Variants in DDAH1 observed in about 807,000 individuals in gnomAD.
DDAH1 encodes N(G),N(G)-dimethylarginine dimethylaminohydrolase 1.
DDAH1 carries 19 observed loss-of-function variants against 28.8 expected under a neutral mutation model. That is an observed-to-expected ratio of 0.66 (90% confidence interval 0.46 to 0.97). The LOEUF is 0.97. DDAH1 is among the 50% of genes least tolerant of loss of function. The pLI is 0.00. For missense variants in DDAH1, 326 were observed against 375.9 expected (o/e 0.87, Z 1.10); for synonymous variants, 153 against 154.4 (o/e 0.99, Z 0.07).
chr1:85,378,661 G>A (rs902966129), intron 1 of DDAH1, among the ~76,000 whole-genome samples: 3 of 152,102 alleles, frequency 2.0e-5, no homozygotes, highest in South Asian at 2.1e-4. Context: ...TATCCACCTC[G>A]GCCTCCCAAT....
intron 1 of DDAH1, among the ~76,000 whole-genome samples, chr1:85,401,987 TTTAA>T (rs1156279311): frequency 1.3e-5 from 2 of 152,160 alleles, no homozygotes; most frequent in African/African-American, 2.4e-5. Flanking sequence ...TTTATTTTAC[TTTAA>T]TTAATTTTTT....
At chr1:85,502,970 A>AGT (rs768567946) in intron 1 of DDAH1, among the ~76,000 whole-genome samples, 7 of 152,126 alleles carry the variant, frequency 4.6e-5, no homozygotes, top group Non-Finnish European at 7.4e-5. Flanking sequence ...GCTACCAGTC[A>AGT]GTGGATTGAT....
At chr1:85,437,001 G>A (rs1653972275) in intron 1 of DDAH1, among the ~76,000 whole-genome samples, 1 of 152,052 alleles carries the variant, frequency 6.6e-6, no homozygotes, top group Non-Finnish European at 1.5e-5. Context: ...CTTGAATATG[G>A]GCCAGTTTTA....
intron 1 of DDAH1, among the ~76,000 whole-genome samples, chr1:85,451,647 G>A (rs1437607341): frequency 1.3e-5 from 2 of 152,180 alleles, no homozygotes; most frequent in Admixed American, 1.3e-4. Context: ...TCTGCCTCCT[G>A]AGTCAGCTTA....
At chr1:85,405,633 T>A (rs199817888) in intron 1 of DDAH1, among the ~76,000 whole-genome samples, 4 of 148,924 alleles carry the variant, frequency 2.7e-5, no homozygotes, top group Non-Finnish European at 3.0e-5. Context: ...AAAAGTGCCC[T>A]AAAAAAAAAA....
chr1:85,452,356 T>C (rs1373135902), intron 1 of DDAH1, among the ~76,000 whole-genome samples: 1 of 152,136 alleles, frequency 6.6e-6, no homozygotes, highest in Non-Finnish European at 1.5e-5. Context: ...ATAAAGCCTC[T>C]TGACAATGAC....
At chr1:85,435,782 T>G (rs184988735) in intron 1 of DDAH1, among the ~76,000 whole-genome samples, 103 of 152,112 alleles carry the variant, frequency 6.8e-4, no homozygotes, top group Admixed American at 1.8e-3. Flanking sequence ...ACTTATATCT[T>G]TTTTATTTTT....
chr1:85,570,145 C>A (rs1291640113), intron 1 of DDAH1, among the ~76,000 whole-genome samples: 1 of 152,200 alleles, frequency 6.6e-6, no homozygotes, highest in African/African-American at 2.4e-5. Context: ...GAGACTGAGA[C>A]CCCGTGAGAT....
chr1:85,355,178 G>T (rs1024679420), intron 2 of DDAH1, among the ~76,000 whole-genome samples: 67 of 152,000 alleles, frequency 4.4e-4, no homozygotes, highest in African/African-American at 1.6e-3. Context: ...AAAATGGAAC[G>T]CATCAAAACT....
At chr1:85,340,536 G>A (rs756068801) in intron 4 of DDAH1, among the ~76,000 whole-genome samples, 1 of 152,060 alleles carries the variant, frequency 6.6e-6, no homozygotes, top group Non-Finnish European at 1.5e-5. Flanking sequence ...CATCAGTCAC[G>A]ATGTTCTGTT....
chr1:85,453,277 T>C (rs1312146549), intron 1 of DDAH1, among the ~76,000 whole-genome samples: 2 of 152,214 alleles, frequency 1.3e-5, no homozygotes, highest in Non-Finnish European at 2.9e-5. Context: ...CCTGCTTTTC[T>C]GCAAACCACT....
intron 4 of DDAH1, among the ~76,000 whole-genome samples, chr1:85,333,589 ACAACT>A (rs995530589): frequency 8.5e-5 from 13 of 152,182 alleles, no homozygotes; most frequent in Non-Finnish European, 1.8e-4. Flanking sequence ...AATTAAAAAA[ACAACT>A]CAGGGTATGA....
chr1:85,559,433 T>C (rs1659077640), intron 1 of DDAH1, among the ~76,000 whole-genome samples: 1 of 152,080 alleles, frequency 6.6e-6, no homozygotes, highest in Non-Finnish European at 1.5e-5. Flanking sequence ...ATAATAGCCA[T>C]AATACTCAGC....
intron 1 of DDAH1, among the ~76,000 whole-genome samples, chr1:85,405,633 T>TAAA (rs11394406): frequency 6.7e-6 from 1 of 148,838 alleles, no homozygotes. Flanking sequence ...AAAAGTGCCC[T>TAAA]AAAAAAAAAA....
intron 1 of DDAH1, among the ~76,000 whole-genome samples, chr1:85,506,383 T>A (rs976401038): frequency 6.6e-5 from 10 of 152,156 alleles, no homozygotes; most frequent in South Asian, 4.1e-4. Context: ...GCAGTTTTTT[T>A]AAAAAAATAA....
chr1:85,394,853 C>A (rs757850452), intron 1 of DDAH1, among the ~76,000 whole-genome samples: 1 of 152,072 alleles, frequency 6.6e-6, no homozygotes, highest in African/African-American at 2.4e-5. Flanking sequence ...GAAATGTCAG[C>A]CATTTCCAAG....
At chr1:85,565,293 A>C (rs1422958428) in intron 1 of DDAH1, among the ~76,000 whole-genome samples, 1 of 152,234 alleles carries the variant, frequency 6.6e-6, no homozygotes, top group Non-Finnish European at 1.5e-5. Context: ...GCTATAATGC[A>C]ATGAAAGAAA....
chr1:85,485,957 T>C (rs1374618043), intron 2 of DDAH1, among the ~76,000 whole-genome samples: 1 of 152,154 alleles, frequency 6.6e-6, no homozygotes, highest in African/African-American at 2.4e-5. Flanking sequence ...GCTTGGGAAG[T>C]GAACTATTTT....
chr1:85,564,571 TAAA>T, intron 1 of DDAH1, among the ~76,000 whole-genome samples: 1 of 152,060 alleles, frequency 6.6e-6, no homozygotes, highest in South Asian at 2.1e-4. Context: ...ACAAATTGCT[TAAA>T]AATGGTAATA....
Sources: allele counts gnomAD v4.1 joint callset (sites outside exome capture counted in the v4.1 genomes callset), GRCh38; gene constraint gnomAD v4.1.1; transcripts MANE v1.5; gene names NCBI Gene and HGNC (gene_info 2026-07-23, HGNC 2026-07-21).